Variants in CPPED1 observed in about 807,000 individuals in gnomAD.
CPPED1 encodes calcineurin like phosphoesterase domain containing 1, also known as serine/threonine-protein phosphatase CPPED1.
Under a neutral mutation model 28.0 loss-of-function variants are expected in CPPED1, and 28 were observed. That is an observed-to-expected ratio of 1.00 (90% confidence interval 0.74 to 1.37). The LOEUF (loss-of-function observed/expected upper bound fraction) is 1.37. CPPED1 is among the 40% of genes most tolerant of loss of function. CPPED1 has a pLI of 0.00. For synonymous variants in CPPED1, 198 were observed against 180.2 expected, an observed-to-expected ratio of 1.10 and a Z score of -0.79; for missense variants, 504 against 416.5, an observed-to-expected ratio of 1.21 and a Z score of -1.83.
At chr16:12,677,698 C>T (rs1459567099) in intron 3 of CPPED1, among the ~76,000 whole-genome samples, 2 of 152,178 alleles carry the variant, frequency 1.3e-5, no homozygotes, top group Non-Finnish European at 2.9e-5. Context: ...TTGTGGTAAG[C>T]ATCAAAGCAT....
rs1462873853 is a variant in CPPED1, at chr16:12,759,184, A to AAAG, written c.289+21998_289+22000dup. ...TCTCTAAAAAAAAAAAAAAAAAAAAAAAGACAAAAAAAAAGTGCTAGAGAA... is the reference window on the plus strand; with the variant it reads ...TCTCTAAAAAAAAAAAAAAAAAAAAAAAGAAGACAAAAAAAAAGTGCTAGAGAA... On this transcript the variant is annotated intron_variant, in intron 2 of 3. Coordinates refer to ENST00000381774, the MANE Select transcript of CPPED1 (RefSeq NM_018340.3). 2.0e-5 allele frequency: 3 copies of AAAG among 151,434 alleles called. No individual in the cohort carries two copies. The East Asian group carries it at 5.8e-4, about 29-fold the overall frequency. The allele number at this position is 151,434 out of a possible 1,614,324, so 9.4% of individuals were successfully genotyped here. A position where few individuals can be genotyped will look rare whatever the true frequency, so the allele number is the denominator to read the frequency against.
At chr16:12,716,812 T>A (rs1038002957) in intron 2 of CPPED1, among the ~76,000 whole-genome samples, 10 of 152,294 alleles carry the variant, frequency 6.6e-5, no homozygotes, top group Non-Finnish European at 4.4e-5. Context: ...ACTGAGACAG[T>A]GTCTTTGTTC....
At chr16:12,716,293 G>C (rs775381113) in intron 2 of CPPED1, among the ~76,000 whole-genome samples, 4 of 152,308 alleles carry the variant, frequency 2.6e-5, no homozygotes, top group Admixed American at 2.6e-4. Context: ...CTTAATCATA[G>C]AATATTCCAT....
chr16:12,775,575 G>A (rs974636418), intron 2 of CPPED1, among the ~76,000 whole-genome samples: 1 of 152,162 alleles, frequency 6.6e-6, no homozygotes, highest in African/African-American at 2.4e-5. Context: ...AGTGCTTCTT[G>A]AACCTCATTG....
chr16:12,747,271 A>G (rs1379853358), intron 2 of CPPED1, among the ~76,000 whole-genome samples: 2 of 151,764 alleles, frequency 1.3e-5, no homozygotes, highest in Non-Finnish European at 2.9e-5. Flanking sequence ...CTCTCTATAA[A>G]AAGTACACAA....
rs747408971 is a variant in CPPED1 at position 12,665,044 on chromosome 16, C to G, written c.787G>C (p.Val263Leu). ...GGTYQNLDMV[V>L]SSAIGCQLGR... is the part of the protein sequence containing the mutation. ...AGCTGGCATCCAATGGCAGATGACA[C>G]CACCATGTCGAGGTTCTGGTAGGTA... The change falls in exon 4 of 4, where the codon GTG becomes CTG. Residue 263 changes from valine to leucine, a missense_variant. Val to Leu is a conservative substitution (Grantham distance 32). Transcript: ENST00000381774. 1 of 1,609,892 alleles carries G rather than the reference C, an allele frequency of 6.2e-7. No homozygotes were observed. The highest frequency in any genetic ancestry group is 1.7e-5 in the Admixed American group (1 of 58,464).
intron 1 of CPPED1, among the ~76,000 whole-genome samples, chr16:12,784,123 ATCTCTT>A (rs1186061224): frequency 2.6e-5 from 4 of 152,212 alleles, no homozygotes; most frequent in African/African-American, 9.7e-5. Context: ...CATGACTTTC[ATCTCTT>A]TCTCTTTCTC....
chr16:12,740,743 G>C (rs2080250969), intron 2 of CPPED1, among the ~76,000 whole-genome samples: 1 of 152,208 alleles, frequency 6.6e-6, no homozygotes, highest in African/African-American at 2.4e-5. Flanking sequence ...GTGAAGGAGA[G>C]AATCCCTAGC....
intron 2 of CPPED1, among the ~76,000 whole-genome samples, chr16:12,738,976 T>C (rs1226893228): frequency 3.3e-5 from 5 of 152,158 alleles, no homozygotes. Flanking sequence ...CAGCAGTGCT[T>C]GCTCAGGGAG....
At chr16:12,714,804 C>T (rs1191725004) in intron 2 of CPPED1, among the ~76,000 whole-genome samples, 4 of 152,112 alleles carry the variant, frequency 2.6e-5, no homozygotes, top group African/African-American at 9.7e-5. Context: ...TTCATAAAGT[C>T]CAATTTATCT....
At chr16:12,748,944 A>T (rs2080309424) in intron 2 of CPPED1, among the ~76,000 whole-genome samples, 1 of 150,094 alleles carries the variant, frequency 6.7e-6, no homozygotes, top group East Asian at 1.9e-4. Context: ...TTAATTAAAA[A>T]TACTTTATTG....
intron 3 of CPPED1, among the ~76,000 whole-genome samples, chr16:12,692,704 C>T (rs1468555069): frequency 1.3e-5 from 2 of 152,230 alleles, no homozygotes; most frequent in Non-Finnish European, 2.9e-5. Flanking sequence ...TAAAAGTGAA[C>T]ACTGACCATG....
intron 1 of CPPED1, among the ~76,000 whole-genome samples, chr16:12,794,661 T>C (rs377521158): frequency 2.6e-5 from 4 of 152,286 alleles, no homozygotes; most frequent in African/African-American, 4.8e-5. Context: ...AAATCCGAAA[T>C]GCTTTTGAGC....
At chr16:12,740,221 C>T (rs980773251) in intron 2 of CPPED1, among the ~76,000 whole-genome samples, 6 of 151,738 alleles carry the variant, frequency 4.0e-5, no homozygotes, top group South Asian at 2.1e-4. Context: ...CTGAGGTGGG[C>T]GGGTACCTGA....
chr16:12,739,025 G>A (rs1275554863), intron 2 of CPPED1, among the ~76,000 whole-genome samples: 2 of 152,130 alleles, frequency 1.3e-5, no homozygotes, highest in African/African-American at 2.4e-5. Flanking sequence ...GGTTTGGGAG[G>A]GAGGCGGCTT....
At chr16:12,712,625 G>A (rs1329179470) in intron 2 of CPPED1, among the ~76,000 whole-genome samples, 1 of 152,136 alleles carries the variant, frequency 6.6e-6, no homozygotes, top group Admixed American at 6.5e-5. Context: ...CGAATTTAGT[G>A]GCCACGGATA....
At position 12,665,373 on chromosome 16, in the gene CPPED1, G is replaced by T. The variant is rs79728693; in HGVS notation, c.716-258C>A. 9.9e-5 allele frequency among the ~76,000 whole-genome samples: 15 copies of T among 152,092 alleles called. No homozygotes were observed. In the East Asian group the frequency reaches 2.7e-3, roughly 27 times the overall value. ...TGTTTGTCATAACTTGTACAAAGACGTACTAGGGAAGAAAATGAGAGAAGG... is the reference window on the plus strand; with the variant it reads ...TGTTTGTCATAACTTGTACAAAGACTTACTAGGGAAGAAAATGAGAGAAGG... On this transcript the variant is annotated intron_variant, in intron 3 of 3. Coordinates refer to ENST00000381774, the MANE Select transcript of CPPED1 (RefSeq NM_018340.3).
At chr16:12,777,723 C>G (rs2080505453) in intron 2 of CPPED1, among the ~76,000 whole-genome samples, 1 of 152,062 alleles carries the variant, frequency 6.6e-6, no homozygotes, top group South Asian at 2.1e-4. Context: ...GACTCTAGTT[C>G]CACAGAAAGA....
At position 12,803,886 on chromosome 16, in the gene CPPED1, T is replaced by C; in HGVS notation, c.-110A>G. 11 of 698,064 alleles carry C rather than the reference T, an allele frequency of 1.6e-5. No individual in the cohort carries two copies. The highest frequency in any genetic ancestry group is 2.7e-4 in the Middle Eastern group (1 of 3,766). 43.2% of individuals were successfully genotyped at this position (698,064 alleles called of 1,614,324 possible). A position where few individuals can be genotyped will look rare whatever the true frequency, so the allele number is the denominator to read the frequency against. On this transcript the variant is annotated 5_prime_UTR_variant, in exon 1 of 4. Transcript: ENST00000381774. ...CCGCTTTGGGCGACGCCCTTTGATC[T>C]CGGGGCGGGACTGGGGCGGGACGGG...
Sources: allele counts gnomAD v4.1 joint callset (sites outside exome capture counted in the v4.1 genomes callset), GRCh38; gene constraint gnomAD v4.1.1; transcripts MANE v1.5; gene names NCBI Gene and HGNC (gene_info 2026-07-23, HGNC 2026-07-21).